The following LCLAT1 variants were observed in gnomAD, a reference collection of about 807,000 sequenced individuals.
The protein encoded by LCLAT1 is lysocardiolipin acyltransferase 1, also known as 1-AGP acyltransferase 8.
A neutral mutation model predicts 30.7 loss-of-function variants in LCLAT1; 11 were observed. That is an observed-to-expected ratio of 0.36 (90% CI 0.23 to 0.59). LCLAT1 has a LOEUF of 0.59. Among genes scored for constraint, LCLAT1 ranks in the 20% least tolerant of loss-of-function variants. LCLAT1 has a pLI of 0.77. For missense variants in LCLAT1, 402 were observed against 458.6 expected, an observed-to-expected ratio of 0.88 and a Z score of 1.13; for synonymous variants, 155 against 151.3, an observed-to-expected ratio of 1.02 and a Z score of -0.18.
intron 5 of LCLAT1, among the ~76,000 whole-genome samples, chr2:30,622,079 G>A (rs1668281350): frequency 6.6e-6 from 1 of 152,094 alleles, no homozygotes; most frequent in Non-Finnish European, 1.5e-5. Context: ...AGCTATTGAG[G>A]GGACACGGCA....
At chr2:30,463,536 A>G (rs879819112) in intron 1 of LCLAT1, among the ~76,000 whole-genome samples, 8 of 152,208 alleles carry the variant, frequency 5.3e-5, no homozygotes, top group Non-Finnish European at 1.0e-4. Flanking sequence ...TCAACCAACC[A>G]TGGATCAAAA....
chr2:30,567,373 C>T (rs12475104), intron 4 of LCLAT1, among the ~76,000 whole-genome samples: 19,175 of 152,074 alleles, frequency 0.13, 1,340 homozygotes, highest in South Asian at 0.23. Context: ...CATTTTAACA[C>T]TTTTTTTCTT....
At chr2:30,586,921 A>G (rs1447754139) in intron 5 of LCLAT1, among the ~76,000 whole-genome samples, 1 of 152,224 alleles carries the variant, frequency 6.6e-6, no homozygotes, top group Non-Finnish European at 1.5e-5. Context: ...CTTCTACACT[A>G]CATCTTTCTT....
At position 30,494,087 on chromosome 2, in the gene LCLAT1, A is replaced by G. The variant is rs778565016; in HGVS notation, c.-4-31500A>G. 4.6e-5 allele frequency among the ~76,000 whole-genome samples: 7 copies of G among 152,216 alleles called. No individual in the cohort carries two copies. The South Asian group carries it at 8.3e-4, about 18-fold the overall frequency. ...TAAAAAAATAATTGGCCAGGTTATG[A>G]TGGTGTGTGCCTGTTGTCACAGCTG... is the stretch of plus-strand genomic sequence containing the variant. On this transcript the variant is annotated intron_variant, in intron 1 of 5. Coordinates refer to ENST00000379509, the MANE Select transcript of LCLAT1 (RefSeq NM_001002257.3).
chr2:30,624,401 A>C (rs1053032714), intron 5 of LCLAT1, among the ~76,000 whole-genome samples: 1 of 152,176 alleles, frequency 6.6e-6, no homozygotes, highest in Non-Finnish European at 1.5e-5. Context: ...ACTCACATAA[A>C]CTTAAGGTAA....
chr2:30,516,082 A>T (rs1685165268), intron 1 of LCLAT1, among the ~76,000 whole-genome samples: 2 of 152,286 alleles, frequency 1.3e-5, no homozygotes, highest in African/African-American at 4.8e-5. Context: ...CAGGTAACAG[A>T]GAGCTCACTA....
chr2:30,541,387 G>T (rs1327507245), intron 3 of LCLAT1, among the ~76,000 whole-genome samples: 1 of 151,692 alleles, frequency 6.6e-6, no homozygotes, highest in African/African-American at 2.4e-5. Flanking sequence ...GTGTGACCCT[G>T]TCTCTTAAAA....
intron 1 of LCLAT1, among the ~76,000 whole-genome samples, chr2:30,488,195 A>T (rs1683651762): frequency 6.6e-6 from 1 of 152,148 alleles, no homozygotes; most frequent in Non-Finnish European, 1.5e-5. Context: ...AATCACATGA[A>T]TTTTTTTCCA....
rs1669378812 is a variant in LCLAT1 at position 30,642,621 on chromosome 2, A to G, written c.*2002A>G. On this transcript the variant is annotated 3_prime_UTR_variant, in exon 6 of 6. Transcript: ENST00000379509. Reference sequence around the variant, plus strand: ...CCGGTCTGCCCTTCCTACAAACTCAAGAGGCTCATTGTTCAAGGTGTAACA... The same window carrying G: ...CCGGTCTGCCCTTCCTACAAACTCAGGAGGCTCATTGTTCAAGGTGTAACA... 6.6e-6 allele frequency: 1 copy of G among 152,040 alleles called. No individual in the cohort carries two copies. Among genetic ancestry groups the G allele is most frequent in the East Asian group, 1.9e-4 (1 of 5,198 alleles). The allele number at this position is 152,040 out of a possible 1,614,324, so 9.4% of individuals were successfully genotyped here. A position where few individuals can be genotyped will look rare whatever the true frequency, so the allele number is the denominator to read the frequency against.
intron 5 of LCLAT1, among the ~76,000 whole-genome samples, chr2:30,573,364 C>G (rs1665866258): frequency 6.6e-6 from 1 of 152,202 alleles, no homozygotes; most frequent in Admixed American, 6.5e-5. Context: ...CCTTTCTCCA[C>G]TTTGTAGCCA....
intron 5 of LCLAT1, among the ~76,000 whole-genome samples, chr2:30,612,815 C>T (rs1558556559): frequency 6.6e-6 from 1 of 152,160 alleles, no homozygotes; most frequent in African/African-American, 2.4e-5. Flanking sequence ...ACCCCAGAGA[C>T]AGAAGCTCAG....
chr2:30,496,881 C>CA (rs2148335699), intron 1 of LCLAT1, among the ~76,000 whole-genome samples: 1 of 152,188 alleles, frequency 6.6e-6, no homozygotes, highest in South Asian at 2.1e-4. Context: ...AATAAAAGCC[C>CA]AAAATCAAAA....
chr2:30,609,652 C>T (rs754001253), intron 5 of LCLAT1, among the ~76,000 whole-genome samples: 1 of 152,114 alleles, frequency 6.6e-6, no homozygotes, highest in Non-Finnish European at 1.5e-5. Flanking sequence ...ACCAGGATAG[C>T]CTTTTTGTGT....
chr2:30,554,652 T>C (rs1463069979), intron 3 of LCLAT1, among the ~76,000 whole-genome samples: 1 of 152,214 alleles, frequency 6.6e-6, no homozygotes, highest in African/African-American at 2.4e-5. Flanking sequence ...GGACATATAG[T>C]AAGCACACAG....
chr2:30,502,556 C>G (rs1269550661), intron 1 of LCLAT1, among the ~76,000 whole-genome samples: 3 of 152,128 alleles, frequency 2.0e-5, no homozygotes, highest in African/African-American at 7.2e-5. Flanking sequence ...TAGGGAACCA[C>G]TGGTCTGCTC....
intron 5 of LCLAT1, among the ~76,000 whole-genome samples, chr2:30,577,264 A>G (rs886763709): frequency 1.3e-5 from 2 of 152,050 alleles, no homozygotes; most frequent in Non-Finnish European, 2.9e-5. Context: ...GCACTGCATA[A>G]AGTGTAAGAC....
At chr2:30,481,646 A>G (rs1329586468) in intron 1 of LCLAT1, among the ~76,000 whole-genome samples, 1 of 152,224 alleles carries the variant, frequency 6.6e-6, no homozygotes, top group East Asian at 1.9e-4. Flanking sequence ...GGATGTGGCT[A>G]CATGAAAGTG....
intron 2 of LCLAT1, 152 bp from the exon 3 acceptor site, chr2:30,532,964 C>T: frequency 1.6e-6 from 1 of 615,514 alleles, no homozygotes; most frequent in Admixed American, 2.9e-5. Flanking sequence ...TAGATAACCT[C>T]ACCACTCAAT....
Position 30,561,825 on chromosome 2 carries a change from G to A in LCLAT1, c.365-321G>A, listed in dbSNP as rs183362062. Among the ~76,000 whole-genome samples the A allele has an allele frequency of 4.4e-3, 663 of 152,162 alleles. 2 individuals are homozygous for A. The highest frequency in any genetic ancestry group is 7.8e-3 in the Non-Finnish European group (527 of 67,988). ...TTGGTTAAAATATCTGTTTAGTTAGGATTGTTAAAATTTTGGATAAGTTAG... is the reference window on the plus strand; with the variant it reads ...TTGGTTAAAATATCTGTTTAGTTAGAATTGTTAAAATTTTGGATAAGTTAG... On this transcript the variant is annotated intron_variant, in intron 3 of 5. Transcript: ENST00000379509.
Sources: allele counts gnomAD v4.1 joint callset (sites outside exome capture counted in the v4.1 genomes callset), GRCh38; gene constraint gnomAD v4.1.1; transcripts MANE v1.5; gene names NCBI Gene and HGNC (gene_info 2026-07-23, HGNC 2026-07-21).